MTFMT: variants seen among roughly 807,000 people sequenced by gnomAD.
The protein encoded by MTFMT is methionyl-tRNA formyltransferase, mitochondrial.
MTFMT carries 47 observed loss-of-function variants against 51.8 expected under a neutral mutation model. The observed-to-expected ratio is 0.91, with a 90% CI of 0.72 to 1.16. The LOEUF (loss-of-function observed/expected upper bound fraction) is 1.16, where lower values mean the gene tolerates loss of function less well. Among genes scored for constraint, MTFMT ranks in the 50% most tolerant of loss-of-function variants. MTFMT has a pLI of 0.00. For synonymous variants in MTFMT, 196 were observed against 176.7 expected, an observed-to-expected ratio of 1.11 and a Z score of -0.87; for missense variants, 512 against 482.3, an observed-to-expected ratio of 1.06 and a Z score of -0.58.
At chr15:65,011,576 G>A (rs956774676) in intron 6 of MTFMT, among the ~76,000 whole-genome samples, 3 of 133,538 alleles carry the variant, frequency 2.2e-5, no homozygotes, top group Non-Finnish European at 3.1e-5. Flanking sequence ...GCTCACTGCA[G>A]CCTCGACCTC....
chr15:65,019,499 T>A (rs1358139209), intron 5 of MTFMT, among the ~76,000 whole-genome samples: 3 of 152,130 alleles, frequency 2.0e-5, no homozygotes, highest in East Asian at 1.9e-4. Context: ...CCAAAAACTT[T>A]AAGCCTGAAT....
At chr15:65,014,754 A>G (rs2086303266) in intron 6 of MTFMT, among the ~76,000 whole-genome samples, 1 of 150,302 alleles carries the variant, frequency 6.7e-6, no homozygotes, top group African/African-American at 2.5e-5. Flanking sequence ...CAGCCTTTCT[A>G]GTAGCTGGGA....
chr15:65,012,011 T>A (rs895565472), intron 6 of MTFMT, among the ~76,000 whole-genome samples: 33 of 152,004 alleles, frequency 2.2e-4, no homozygotes, highest in African/African-American at 8.0e-4. Flanking sequence ...CTTTAACTTT[T>A]ACATATGATG....
chr15:65,020,405 AT>A (rs1426603353), intron 4 of MTFMT, 133 bp from the exon 5 acceptor site: 1 of 758,142 alleles, frequency 1.3e-6, no homozygotes, highest in African/African-American at 1.8e-5. Context: ...TAAAAAAAAA[AT>A]CTTTACTATT....
At chr15:65,017,345 A>C (rs903551587) in intron 5 of MTFMT, among the ~76,000 whole-genome samples, 1 of 152,206 alleles carries the variant, frequency 6.6e-6, no homozygotes, top group Non-Finnish European at 1.5e-5. Flanking sequence ...GGAATAAGGT[A>C]CATTAAAACT....
chr15:65,003,530 CAA>C (rs1381896704), intron 8 of MTFMT, among the ~76,000 whole-genome samples: 1 of 151,978 alleles, frequency 6.6e-6, no homozygotes, highest in Non-Finnish European at 1.5e-5. Flanking sequence ...TATTTAAATA[CAA>C]AGGGAGCAGA....
intron 6 of MTFMT, among the ~76,000 whole-genome samples, chr15:65,013,545 G>C (rs1003702605): frequency 1.3e-5 from 2 of 152,078 alleles, no homozygotes; most frequent in African/African-American, 2.4e-5. Flanking sequence ...TGCTTTTTCT[G>C]CATCTATTGA....
At chr15:65,023,300 G>T (rs1419583641) in intron 3 of MTFMT, among the ~76,000 whole-genome samples, 2 of 151,952 alleles carry the variant, frequency 1.3e-5, no homozygotes, top group African/African-American at 2.4e-5. Context: ...CTTATTTCAG[G>T]TTCCAAAAAT....
At chr15:65,004,107 C>T (rs900349209) in intron 8 of MTFMT, among the ~76,000 whole-genome samples, 1 of 151,800 alleles carries the variant, frequency 6.6e-6, no homozygotes, top group African/African-American at 2.4e-5. Flanking sequence ...ACCTCCGCTT[C>T]CCGGGCTCAA....
intron 8 of MTFMT, among the ~76,000 whole-genome samples, chr15:65,004,399 C>G (rs965565954): frequency 2.6e-5 from 4 of 152,148 alleles, no homozygotes; most frequent in African/African-American, 9.7e-5. Flanking sequence ...TAGAACACTT[C>G]TCAGAACACA....
Position 65,006,114 on chromosome 15 carries a change from A to G in MTFMT, c.891T>C (p.Ala297=), listed in dbSNP as rs1317547247. 1 of 1,611,616 alleles carries G rather than the reference A, an allele frequency of 6.2e-7. No individual in the cohort carries two copies. Among genetic ancestry groups the G allele is most frequent in the South Asian group, 1.1e-5 (1 of 90,990 alleles). The part of the protein sequence containing the change: ...DLVEVNSSVL[A]DPKLTGQALI... ...TGTTAGCTATTCAAAAGTTAGTACCAGCAAGGACTGAACTGTTAACTTCTA... is the reference window on the plus strand; with the variant it reads ...TGTTAGCTATTCAAAAGTTAGTACCGGCAAGGACTGAACTGTTAACTTCTA... Residue 297 remains alanine (A), a splice_region_variant and synonymous_variant, in exon 7 of 9, where the codon GCT becomes GCC. Transcript: ENST00000220058.
intron 3 of MTFMT, among the ~76,000 whole-genome samples, chr15:65,022,944 C>T (rs564178971): frequency 6.6e-6 from 1 of 152,054 alleles, no homozygotes. Context: ...CCCACCTCGG[C>T]CTCCCAAAGT....
intron 4 of MTFMT, 115 bp downstream of exon 4, chr15:65,021,399 A>T: frequency 1.4e-6 from 1 of 729,310 alleles, no homozygotes. Context: ...AAAGATAGAA[A>T]TTACTCTTTT....
intron 5 of MTFMT, 71 bp downstream of exon 5, chr15:65,020,126 C>T: frequency 7.2e-7 from 1 of 1,395,672 alleles, no homozygotes; most frequent in Admixed American, 2.2e-5. Context: ...GCTAAGAAGT[C>T]AGAATGTTCA....
intron 8 of MTFMT, 24 bp from the exon 9 acceptor site, chr15:65,003,280 G>T (rs760777324): frequency 1.3e-6 from 2 of 1,587,006 alleles, no homozygotes; most frequent in African/African-American, 1.3e-5. Flanking sequence ...TACAAATAGT[G>T]AATAGGCAGG....
intron 6 of MTFMT, among the ~76,000 whole-genome samples, chr15:65,009,902 T>A (rs1032277158): frequency 6.6e-6 from 1 of 152,094 alleles, no homozygotes; most frequent in African/African-American, 2.4e-5. Flanking sequence ...GATTCACTCT[T>A]CTTGGCCTCC....
intron 5 of MTFMT, 108 bp from the exon 6 acceptor site, chr15:65,016,635 A>G: frequency 1.8e-6 from 1 of 564,934 alleles, no homozygotes; most frequent in Non-Finnish European, 3.0e-6. Flanking sequence ...TAACCTCTCA[A>G]CTTTTCTTTA....
chr15:65,016,410 A>G (rs2086322393), intron 6 of MTFMT, 26 bp downstream of exon 6: 6 of 1,444,266 alleles, frequency 4.2e-6, no homozygotes, highest in Non-Finnish European at 5.8e-6. Flanking sequence ...AACTAGGTAG[A>G]ACTGCAACCT....
At chr15:65,009,717 AATCACAG>A (rs2086247930) in intron 6 of MTFMT, among the ~76,000 whole-genome samples, 2 of 152,030 alleles carry the variant, frequency 1.3e-5, no homozygotes, top group African/African-American at 4.8e-5. Flanking sequence ...GCAGTGGTGG[AATCACAG>A]CTCACTGCAG....
Sources: allele counts gnomAD v4.1 joint callset (sites outside exome capture counted in the v4.1 genomes callset), GRCh38; gene constraint gnomAD v4.1.1; transcripts MANE v1.5; gene names NCBI Gene and HGNC (gene_info 2026-07-23, HGNC 2026-07-21).